RUBCN: variants seen among roughly 807,000 people sequenced by gnomAD.
The protein encoded by RUBCN is rubicon autophagy regulator, also known as run domain Beclin-1-interacting and cysteine-rich domain-containing protein.
In RUBCN, 74 loss-of-function variants were observed where a neutral mutation model predicts 113.2. That is an observed-to-expected ratio of 0.65 (90% CI 0.54 to 0.79). The LOEUF is 0.79. RUBCN is among the 30% of genes least tolerant of loss of function. RUBCN has a pLI of 0.00. For synonymous variants in RUBCN, 480 were observed against 490.0 expected (o/e 0.98, Z 0.27); for missense variants, 1,109 against 1,251.7 (o/e 0.89, Z 1.72).
intron 8 of RUBCN, among the ~76,000 whole-genome samples, 188 bp downstream of exon 8, chr3:197,696,766 A>G (rs6763083): frequency 0.18 from 26,675 of 152,088 alleles, 3,679 homozygotes; most frequent in African/African-American, 0.38. Flanking sequence ...AGTCAGAGAG[A>G]AGCAAGAGAA....
In RUBCN at chr3:197,704,589, A is replaced by C; in HGVS notation, c.416T>G (p.Leu139Arg). 6.2e-7 allele frequency: 1 copy of C among 1,614,190 alleles called. No homozygotes were observed. The highest frequency in any genetic ancestry group is 8.5e-7 in the Non-Finnish European group (1 of 1,180,034). ...SLQYHCLSAQ[L>R]RPLLGDRQYI... ...CTGTCTATCCCCGAGCAGGGGCCGG[A>C]GCTGGGCTGAGAGGCAGTGGTACTG... Residue 139 changes from leucine (L) to arginine (R), a missense_variant, in exon 4 of 20, where the codon CTC (leucine) becomes CGC (arginine). Leu to Arg is a moderately radical substitution (Grantham distance 102). Around this residue, in one of 3 missense-constraint regions of RUBCN, gnomAD observed 736 missense variants for 779.6 expected, o/e 0.94. Transcript: ENST00000296343.
At chr3:197,746,330 AG>A (rs1278340911) in intron 1 of RUBCN, among the ~76,000 whole-genome samples, 1 of 152,198 alleles carries the variant, frequency 6.6e-6, no homozygotes, top group Non-Finnish European at 1.5e-5. Context: ...CTACATTCCA[AG>A]GAAGATTCCT....
intron 1 of RUBCN, among the ~76,000 whole-genome samples, chr3:197,734,234 G>A (rs1397642031): frequency 1.3e-5 from 2 of 150,346 alleles, no homozygotes; most frequent in Admixed American, 1.3e-4. Context: ...TCCAGCCTTG[G>A]CGACAGAGCA....
At chr3:197,739,677 AGACAGAGCTAGACCTGGGC>A (rs1459449233), upstream of RUBCN, among the ~76,000 whole-genome samples, 1 of 151,992 alleles carries the variant, frequency 6.6e-6, no homozygotes, top group African/African-American at 2.4e-5. Context: ...CCAGCCTGGA[AGACAGAGCTAGACCTGGGC>A]GACAGAGGGA....
chr3:197,732,843 C>G (rs1560474491), intron 1 of RUBCN, among the ~76,000 whole-genome samples: 1 of 152,206 alleles, frequency 6.6e-6, no homozygotes, highest in South Asian at 2.1e-4. Context: ...AGAGGAAGAA[C>G]AAGTGATACC....
chr3:197,698,887 A>C (rs910454277), intron 7 of RUBCN, among the ~76,000 whole-genome samples: 1 of 151,978 alleles, frequency 6.6e-6, no homozygotes, highest in Non-Finnish European at 1.5e-5. Context: ...AAAGTCTGCT[A>C]CTGATTCATC....
intron 1 of RUBCN, among the ~76,000 whole-genome samples, chr3:197,724,029 C>T (rs971962123): frequency 9.9e-5 from 15 of 152,052 alleles, no homozygotes; most frequent in Admixed American, 2.0e-4. Flanking sequence ...ACCTGGGGGG[C>T]GGCCTAAGTG....
Position 197,681,020 on chromosome 3 carries a change from G to T in RUBCN, c.2430+109C>A. On this transcript the variant is annotated intron_variant, in intron 16 of 19. Transcript: ENST00000296343. The surrounding 1 kb of genome is among the most constrained non-coding windows in gnomAD (Gnocchi z 5.5). ...GAGGAGACGAGGGGAGGGGATGGGG[G>T]GAGGGGACAAGAGGAGGGGATGGGG... is the stretch of plus-strand genomic sequence containing the variant. The T allele has an allele frequency of 1.5e-6, 1 of 649,538 alleles. No homozygotes were observed. Among genetic ancestry groups the T allele is most frequent in the East Asian group, 3.0e-5 (1 of 33,844 alleles). The allele number at this position is 649,538 out of a possible 1,614,324, so 40.2% of individuals were successfully genotyped here.
rs1444193970 is a variant in RUBCN, at chr3:197,693,811, G to A, written c.1690C>T (p.Arg564Trp). ...MYQEAEHGSF[R>W]VTSSSSQFSS... ...AACTGGGAGCTGCTGGAGGTGACCC[G>A]AAAGCCTGTTATGTTTAAAAACAAA... is the stretch of plus-strand genomic sequence containing the variant. The change falls in exon 11 of 20, where the codon CGG (arginine) becomes TGG (tryptophan). Residue 564 changes from arginine (R) to tryptophan (W), a missense_variant. Physicochemically the swap from Arg to Trp is moderately radical, Grantham distance 101. Coordinates refer to ENST00000296343, the MANE Select transcript of RUBCN (RefSeq NM_014687.4). 9.9e-6 allele frequency: 16 copies of A among 1,612,456 alleles called. No homozygotes were observed. The East Asian group carries it at 2.2e-4, about 22-fold the overall frequency.
intron 1 of RUBCN, among the ~76,000 whole-genome samples, chr3:197,733,616 G>A (rs1044745168): frequency 6.6e-6 from 1 of 152,176 alleles, no homozygotes; most frequent in Non-Finnish European, 1.5e-5. Context: ...ATAGGCACAA[G>A]GAATGTGTAT....
At position 197,700,767 on chromosome 3, in the gene RUBCN, T is replaced by C; in HGVS notation, c.1107A>G (p.Leu369=). The change falls in exon 7 of 20, where the codon TTA becomes TTG. Residue 369 remains leucine, a synonymous_variant. Coordinates refer to ENST00000296343, the MANE Select transcript of RUBCN (RefSeq NM_014687.4). ...TCTCCCCACCTCCTTCCTGGTCCCC[T>C]AAGGAAGAGGCAGCAGAATCTGGCT... ...SQKPDSAASS[L]GDQEGGGESQ... is the part of the protein sequence containing the mutation. 6.2e-7 allele frequency: 1 copy of C among 1,614,154 alleles called. No homozygotes were observed. The highest frequency in any genetic ancestry group is 1.7e-5 in the Admixed American group (1 of 60,014).
intron 5 of RUBCN, 96 bp downstream of exon 5, chr3:197,703,451 CA>C (rs1317788286): frequency 3.2e-5 from 10 of 310,964 alleles, no homozygotes. Flanking sequence ...TTTCAGCTCA[CA>C]AAAATGGCTA....
chr3:197,697,602 G>A (rs1259778145), intron 7 of RUBCN, among the ~76,000 whole-genome samples: 5 of 152,260 alleles, frequency 3.3e-5, no homozygotes, highest in Middle Eastern at 3.4e-3. Flanking sequence ...TACGGGGCTC[G>A]GCCCGGCCTT....
chr3:197,688,225 C>G (rs952524399), intron 11 of RUBCN, among the ~76,000 whole-genome samples: 3 of 152,210 alleles, frequency 2.0e-5, no homozygotes, highest in Non-Finnish European at 2.9e-5. Context: ...CAGGGTTTCA[C>G]CATGTTGGCC....
Position 197,681,857 on chromosome 3 carries a change from T to G in RUBCN, c.2169A>C (p.Gly723=). ...AVAKQNYRCA[G]CGIRTDPDYI... Reference sequence around the variant, plus strand: ...CACCAGGGTCAGTCCGGATGCCACATCCTGCACAGCGGTAATTCTGCTTGG... The same window carrying G: ...CACCAGGGTCAGTCCGGATGCCACAGCCTGCACAGCGGTAATTCTGCTTGG... Residue 723 remains glycine (G), a synonymous_variant, in exon 15 of 20, where the codon GGA becomes GGC. Coordinates refer to ENST00000296343, the MANE Select transcript of RUBCN (RefSeq NM_014687.4). The surrounding 1 kb of genome is among the most constrained non-coding windows in gnomAD (Gnocchi z 5.5). 6.2e-7 allele frequency: 1 copy of G among 1,613,982 alleles called. No homozygotes were observed. The highest frequency in any genetic ancestry group is 8.5e-7 in the Non-Finnish European group (1 of 1,179,962).
chr3:197,743,270 C>A (rs894517181), intron 1 of RUBCN, among the ~76,000 whole-genome samples: 10 of 151,652 alleles, frequency 6.6e-5, no homozygotes, highest in African/African-American at 1.7e-4. Flanking sequence ...AGCAGCTATG[C>A]CTGCCACCCC....
exon 1 of RUBCN, chr3:197,749,393 G>T: frequency 8.4e-7 from 1 of 1,190,914 alleles, no homozygotes; most frequent in Admixed American, 3.3e-5. Context: ...TTAAGGTGAC[G>T]CAGGAACCGT....
chr3:197,672,719 G>A lies in RUBCN; in HGVS notation c.*2299C>T, dbSNP rs1273005655. 1 of 152,414 alleles carries A rather than the reference G, an allele frequency of 6.6e-6. No homozygotes were observed. Among genetic ancestry groups the A allele is most frequent in the Admixed American group, 6.5e-5 (1 of 15,290 alleles). The allele number at this position is 152,414 out of a possible 1,614,324, so 9.4% of individuals were successfully genotyped here. ...TCACCTTTTTGTTTTTTGAGACGGA[G>A]TCTCACTCTGTCACCCAGGCTGGAG... On this transcript the variant is annotated 3_prime_UTR_variant, in exon 20 of 20. Coordinates refer to ENST00000296343, the MANE Select transcript of RUBCN (RefSeq NM_014687.4).
At chr3:197,741,184 C>T (rs1728511859), upstream of RUBCN, among the ~76,000 whole-genome samples, 1 of 152,074 alleles carries the variant, frequency 6.6e-6, no homozygotes, top group Non-Finnish European at 1.5e-5. Context: ...ATGACTGTAT[C>T]CTGCTAAATA....
Sources: gnomAD v4.1 joint callset for allele counts (sites outside exome capture counted in the v4.1 genomes callset) on GRCh38, gnomAD v4.1.1 for gene constraint, gnomAD v4.1.1 regional missense constraint, Gnocchi (gnomAD v3.1) non-coding constraint, MANE v1.5 for transcripts, NCBI Gene and HGNC (gene_info 2026-07-23, HGNC 2026-07-21) for gene names.